Variants in NCALD observed in about 807,000 individuals in gnomAD.
NCALD encodes the protein neurocalcin-delta.
In NCALD, 10 loss-of-function variants were observed where a neutral mutation model predicts 18.6. The ratio of observed to expected loss-of-function variants is 0.54; its 90% confidence interval spans 0.33 to 0.91. The LOEUF is 0.91. Ranked by LOEUF, NCALD falls within the 40% of genes least tolerant of loss-of-function variation. The pLI is 0.03. For synonymous variants in NCALD, 88 were observed against 87.4 expected (o/e 1.01, Z -0.04); for missense variants, 184 against 247.6 (o/e 0.74, Z 1.72).
intron 2 of NCALD, among the ~76,000 whole-genome samples, chr8:102,001,805 A>C (rs2132028784): frequency 6.6e-6 from 1 of 152,332 alleles, no homozygotes; most frequent in South Asian, 2.1e-4. Context: ...GAAATAAAAT[A>C]CTTTACAGAC....
chr8:101,990,024 G>A (rs892081462), intron 2 of NCALD, among the ~76,000 whole-genome samples: 2 of 152,132 alleles, frequency 1.3e-5, no homozygotes, highest in Admixed American at 6.6e-5. Context: ...CTTTTATTGA[G>A]AGCCTGCATG....
chr8:101,773,476 T>C (rs531977560), intron 1 of NCALD, among the ~76,000 whole-genome samples: 3 of 152,296 alleles, frequency 2.0e-5, no homozygotes, highest in South Asian at 2.1e-4. Flanking sequence ...GGGGCTCTAA[T>C]AGTAGGATGG....
intron 4 of NCALD, among the ~76,000 whole-genome samples, chr8:101,875,426 C>T (rs1403505152): frequency 6.6e-6 from 1 of 152,198 alleles, no homozygotes; most frequent in Admixed American, 6.5e-5. Flanking sequence ...CTGACCCTGT[C>T]CCTTTCATCA....
intron 1 of NCALD, among the ~76,000 whole-genome samples, chr8:101,758,251 C>T (rs1318449362): frequency 6.6e-6 from 1 of 152,172 alleles, no homozygotes; most frequent in Non-Finnish European, 1.5e-5. Context: ...CTCTCTCCAC[C>T]CGCTCCTGCT....
intron 1 of NCALD, among the ~76,000 whole-genome samples, chr8:102,078,686 G>A (rs189372181): frequency 6.6e-6 from 1 of 152,140 alleles, no homozygotes; most frequent in Non-Finnish European, 1.5e-5. Flanking sequence ...CCAGATCTTC[G>A]CATTGCAGGC....
chr8:101,868,297 A>G (rs1451759023), intron 4 of NCALD, among the ~76,000 whole-genome samples: 1 of 151,930 alleles, frequency 6.6e-6, no homozygotes, highest in Non-Finnish European at 1.5e-5. Flanking sequence ...CTGAGCTCGC[A>G]CTGACCTTCT....
intron 4 of NCALD, among the ~76,000 whole-genome samples, chr8:101,801,720 G>T (rs142030311): frequency 2.4e-4 from 31 of 126,568 alleles, no homozygotes; most frequent in African/African-American, 9.3e-4. Context: ...AGGCTGGAGT[G>T]CAGTGGCACT....
chr8:101,928,896 AT>A (rs1818436971), intron 2 of NCALD, among the ~76,000 whole-genome samples: 1 of 152,064 alleles, frequency 6.6e-6, no homozygotes, highest in Admixed American at 6.6e-5. Flanking sequence ...TGTAAAATAT[AT>A]TGTGTACTGG....
intron 2 of NCALD, among the ~76,000 whole-genome samples, chr8:101,988,766 TGA>T (rs1323097595): frequency 6.6e-6 from 1 of 152,102 alleles, no homozygotes; most frequent in East Asian, 1.9e-4. Flanking sequence ...AGTCTGAGTC[TGA>T]GAGAGAAAAT....
intron 2 of NCALD, among the ~76,000 whole-genome samples, chr8:102,003,174 G>A (rs1821546753): frequency 1.3e-5 from 2 of 152,212 alleles, no homozygotes; most frequent in South Asian, 2.1e-4. Flanking sequence ...TCAAACAGAT[G>A]CAATAAAAAA....
At chr8:101,769,879 C>T (rs769401344) in intron 1 of NCALD, among the ~76,000 whole-genome samples, 21 of 152,190 alleles carry the variant, frequency 1.4e-4, no homozygotes, top group Non-Finnish European at 2.4e-4. Flanking sequence ...CACTTACATT[C>T]TCAGGACTCT....
At chr8:102,071,341 A>T (rs897467820) in intron 1 of NCALD, among the ~76,000 whole-genome samples, 2 of 152,188 alleles carry the variant, frequency 1.3e-5, no homozygotes, top group Non-Finnish European at 2.9e-5. Flanking sequence ...TACAATAGCA[A>T]ATTAAGGCTT....
chr8:101,710,705 GC>G (rs1815744028), intron 2 of NCALD, among the ~76,000 whole-genome samples: 1 of 152,230 alleles, frequency 6.6e-6, no homozygotes, highest in Non-Finnish European at 1.5e-5. Context: ...GTTGCCAGAT[GC>G]CTCTCTAGAT....
chr8:101,963,707 T>C (rs973112156), intron 2 of NCALD, among the ~76,000 whole-genome samples: 4 of 152,140 alleles, frequency 2.6e-5, no homozygotes, highest in Non-Finnish European at 4.4e-5. Flanking sequence ...CTAATAACAG[T>C]GGGTCTAGAA....
intron 2 of NCALD, among the ~76,000 whole-genome samples, chr8:101,957,492 T>C (rs1458042885): frequency 6.6e-6 from 1 of 152,120 alleles, no homozygotes; most frequent in Non-Finnish European, 1.5e-5. Context: ...TTCCCTATTT[T>C]TAGGGCTTTG....
chr8:101,711,009 GGA>G (rs1815764059), intron 2 of NCALD, among the ~76,000 whole-genome samples: 2 of 152,200 alleles, frequency 1.3e-5, no homozygotes, highest in Non-Finnish European at 2.9e-5. Flanking sequence ...ACCTTATACA[GGA>G]GAGCTTTGGC....
chr8:101,721,104 G>A (rs1816333621), intron 1 of NCALD: 1 of 152,042 alleles, frequency 6.6e-6, no homozygotes, highest in African/African-American at 2.4e-5. Context: ...ATTGAAGTGT[G>A]GTCAAGATAA....
intron 4 of NCALD, among the ~76,000 whole-genome samples, chr8:101,874,336 T>C (rs1816141327): frequency 6.6e-6 from 1 of 151,968 alleles, no homozygotes. Context: ...GAGGAGAAAA[T>C]CTAGAATCTG....
At chr8:101,991,030 A>G (rs1489772036) in intron 2 of NCALD, among the ~76,000 whole-genome samples, 2 of 152,178 alleles carry the variant, frequency 1.3e-5, no homozygotes, top group African/African-American at 4.8e-5. Context: ...CATCTTAGCT[A>G]GGCTCTAATT....
Sources: allele counts gnomAD v4.1 joint callset (sites outside exome capture counted in the v4.1 genomes callset), GRCh38; gene constraint gnomAD v4.1.1; transcripts MANE v1.5; gene names NCBI Gene and HGNC (gene_info 2026-07-23, HGNC 2026-07-21).